TPH2: variants seen among roughly 807,000 people sequenced by gnomAD.
TPH2 encodes the protein tryptophan hydroxylase 2, also known as tryptophan 5-hydroxylase 2.
A neutral mutation model predicts 59.1 loss-of-function variants in TPH2; 27 were observed. The observed-to-expected ratio is 0.46, with a 90% CI of 0.34 to 0.63. The LOEUF is 0.63. TPH2 is among the 30% of genes least tolerant of loss of function. The probability of loss-of-function intolerance (pLI) is 0.01; values close to 1 mark genes in which losing one functional copy is unlikely to be tolerated. For missense variants in TPH2, 523 were observed against 588.3 expected, an observed-to-expected ratio of 0.89 and a Z score of 1.15; for synonymous variants, 220 against 210.5, an observed-to-expected ratio of 1.05 and a Z score of -0.39.
At chr12:71,943,980 G>A (rs17110467) in intron 2 of TPH2, among the ~76,000 whole-genome samples, 21,759 of 151,722 alleles carry the variant, frequency 0.14, 1,961 homozygotes, top group East Asian at 0.36. Context: ...AAATAATCAC[G>A]TGCCACCTGT....
At chr12:72,019,537 C>A (rs1369982940) in intron 8 of TPH2, among the ~76,000 whole-genome samples, 1 of 152,196 alleles carries the variant, frequency 6.6e-6, no homozygotes, top group East Asian at 1.9e-4. Flanking sequence ...AACAATACCC[C>A]TTCACTGAAG....
intron 8 of TPH2, among the ~76,000 whole-genome samples, chr12:72,014,940 C>T (rs527486507): frequency 4.6e-5 from 7 of 152,198 alleles, no homozygotes; most frequent in Admixed American, 1.3e-4. Context: ...TGGTTCCCAA[C>T]GTTGATTTTT....
At chr12:71,967,982 G>A (rs752276161) in intron 5 of TPH2, among the ~76,000 whole-genome samples, 4 of 152,180 alleles carry the variant, frequency 2.6e-5, no homozygotes, top group Non-Finnish European at 5.9e-5. Flanking sequence ...GGAGTTCTCT[G>A]GTTCTGAGAC....
chr12:72,022,922 G>A (rs1293555105), intron 9 of TPH2, among the ~76,000 whole-genome samples: 1 of 152,162 alleles, frequency 6.6e-6, no homozygotes, highest in African/African-American at 2.4e-5. Flanking sequence ...CTAAAAGGGA[G>A]TTTGATGTTG....
At chr12:71,962,661 A>G in intron 5 of TPH2, 6 of 985,328 alleles carry the variant, frequency 6.1e-6, no homozygotes, top group Non-Finnish European at 6.0e-6. Flanking sequence ...TAACATTTAA[A>G]TCTGTGTTTT....
intron 7 of TPH2, among the ~76,000 whole-genome samples, chr12:71,989,423 T>G (rs531953637): frequency 6.6e-6 from 1 of 152,352 alleles, no homozygotes; most frequent in African/African-American, 2.4e-5. Context: ...AAACGCACCC[T>G]ATTTTGGCTC....
intron 8 of TPH2, among the ~76,000 whole-genome samples, chr12:71,998,576 C>G (rs1444932438): frequency 6.6e-6 from 1 of 152,002 alleles, no homozygotes; most frequent in African/African-American, 2.4e-5. Flanking sequence ...GGATACCATG[C>G]ATGTTAATGA....
At chr12:71,953,429 T>G (rs1013472466) in intron 5 of TPH2, among the ~76,000 whole-genome samples, 2 of 151,730 alleles carry the variant, frequency 1.3e-5, no homozygotes, top group Admixed American at 1.3e-4. Flanking sequence ...ATGGTGCTGG[T>G]GGGGGTGGGG....
intron 8 of TPH2, among the ~76,000 whole-genome samples, chr12:72,009,535 A>T (rs531743873): frequency 6.6e-6 from 1 of 152,338 alleles, no homozygotes; most frequent in South Asian, 2.1e-4. Context: ...TATATTTCTA[A>T]ACTAGCCTCA....
At chr12:72,030,415 G>T (rs1014513716) in intron 9 of TPH2, among the ~76,000 whole-genome samples, 1 of 151,984 alleles carries the variant, frequency 6.6e-6, no homozygotes, top group South Asian at 2.1e-4. Flanking sequence ...TCAATCTAGG[G>T]TCTATAAATA....
rs144439822 is a variant in TPH2, at chr12:72,016,706, T to A, written c.1069-5693T>A. Reference sequence around the variant, plus strand: ...AAATATATGCTACCAATATGCAAGATCAAATTTTTAGGGAAGGCGATAGGG... The same window carrying A: ...AAATATATGCTACCAATATGCAAGAACAAATTTTTAGGGAAGGCGATAGGG... On this transcript the variant is annotated intron_variant, in intron 8 of 10. Transcript: ENST00000333850. 2.0e-4 allele frequency among the ~76,000 whole-genome samples: 30 copies of A among 152,258 alleles called. No homozygotes were observed. The East Asian group carries it at 5.2e-3, about 26-fold the overall frequency.
intron 5 of TPH2, among the ~76,000 whole-genome samples, chr12:71,959,418 C>G (rs1453994177): frequency 6.6e-6 from 1 of 152,210 alleles, no homozygotes; most frequent in Non-Finnish European, 1.5e-5. Context: ...ACTGTGCGCA[C>G]TAGGGCTTCT....
At chr12:71,950,219 T>C (rs1290547512) in intron 5 of TPH2, among the ~76,000 whole-genome samples, 1 of 152,186 alleles carries the variant, frequency 6.6e-6, no homozygotes, top group Non-Finnish European at 1.5e-5. Context: ...TAGTACATGA[T>C]GCTAAGTGGC....
intron 8 of TPH2, among the ~76,000 whole-genome samples, chr12:71,996,092 C>T (rs1007633635): frequency 6.6e-6 from 1 of 152,112 alleles, no homozygotes; most frequent in Admixed American, 6.6e-5. Context: ...ACTCTCAGGA[C>T]GTTGTAGTCA....
intron 9 of TPH2, among the ~76,000 whole-genome samples, chr12:72,025,148 C>A (rs915906845): frequency 6.6e-6 from 1 of 152,090 alleles, no homozygotes; most frequent in African/African-American, 2.4e-5. Context: ...GTAGGGATAA[C>A]TTTATTAATA....
At chr12:71,993,709 CTGGAAA>C in intron 7 of TPH2, among the ~76,000 whole-genome samples, 1 of 152,194 alleles carries the variant, frequency 6.6e-6, no homozygotes. Context: ...AAATCATCTA[CTGGAAA>C]AGCAACTTTG....
chr12:71,969,112 T>A (rs934114777), intron 5 of TPH2, among the ~76,000 whole-genome samples: 1 of 152,048 alleles, frequency 6.6e-6, no homozygotes, highest in African/African-American at 2.4e-5. Flanking sequence ...TGAAACCCCA[T>A]CTCTACTAAA....
At chr12:71,969,214 C>T (rs951530159) in intron 5 of TPH2, among the ~76,000 whole-genome samples, 2 of 152,044 alleles carry the variant, frequency 1.3e-5, no homozygotes, top group South Asian at 2.1e-4. Flanking sequence ...ACCCGGGAGG[C>T]GGAGCTTGCA....
chr12:71,991,972 G>A (rs1038912158), intron 7 of TPH2, among the ~76,000 whole-genome samples: 10 of 152,120 alleles, frequency 6.6e-5, no homozygotes, highest in African/African-American at 2.4e-4. Context: ...TTATCACCTG[G>A]TGAGAGTTTA....
Sources: allele counts gnomAD v4.1 joint callset (sites outside exome capture counted in the v4.1 genomes callset), GRCh38; gene constraint gnomAD v4.1.1; transcripts MANE v1.5; gene names NCBI Gene and HGNC (gene_info 2026-07-23, HGNC 2026-07-21).